Variants in CPA6 observed in about 807,000 individuals in gnomAD.
CPA6 encodes carboxypeptidase A6, also known as carboxypeptidase B.
Under a neutral mutation model 63.3 loss-of-function variants are expected in CPA6, and 58 were observed. The observed-to-expected ratio is 0.92, with a 90% CI of 0.74 to 1.14. The LOEUF (loss-of-function observed/expected upper bound fraction) is 1.14, where lower values mean the gene tolerates loss of function less well. Ranked by LOEUF, CPA6 falls within the 50% of genes most tolerant of loss-of-function variation. The probability of loss-of-function intolerance (pLI) is 0.00; values close to 1 mark genes in which losing one functional copy is unlikely to be tolerated. For synonymous variants in CPA6, 185 were observed against 179.0 expected (o/e 1.03, Z -0.27); for missense variants, 565 against 526.6 (o/e 1.07, Z -0.71).
chr8:67,521,348 G>T (rs1199946497), intron 2 of CPA6, among the ~76,000 whole-genome samples: 5 of 152,228 alleles, frequency 3.3e-5, no homozygotes, highest in Non-Finnish European at 5.9e-5. Flanking sequence ...CCTAGCTCTG[G>T]CAGCATTGGC....
At chr8:67,470,589 T>G (rs1811035970) in intron 8 of CPA6, among the ~76,000 whole-genome samples, 1 of 152,200 alleles carries the variant, frequency 6.6e-6, no homozygotes, top group Admixed American at 6.5e-5. Flanking sequence ...TCTTGGAGAT[T>G]TTCTTCACAT....
At chr8:67,553,566 T>C (rs1812996587) in intron 2 of CPA6, among the ~76,000 whole-genome samples, 1 of 152,204 alleles carries the variant, frequency 6.6e-6, no homozygotes, top group Admixed American at 6.5e-5. Context: ...TCTCAAGGGC[T>C]TATGATATCA....
intron 1 of CPA6, among the ~76,000 whole-genome samples, chr8:67,728,788 A>G (rs1817652167): frequency 6.6e-6 from 1 of 152,232 alleles, no homozygotes; most frequent in Admixed American, 6.5e-5. Flanking sequence ...ATTCCTTCCA[A>G]TTATCACATC....
chr8:67,664,079 A>T (rs966456604), intron 1 of CPA6, among the ~76,000 whole-genome samples: 2 of 152,216 alleles, frequency 1.3e-5, no homozygotes, highest in Non-Finnish European at 2.9e-5. Flanking sequence ...AAAGTTTTAA[A>T]GTTCTCATCT....
chr8:67,471,100 T>C (rs879545866), intron 8 of CPA6, among the ~76,000 whole-genome samples: 1 of 152,086 alleles, frequency 6.6e-6, no homozygotes, highest in Non-Finnish European at 1.5e-5. Flanking sequence ...TCTACTCCTC[T>C]CTCTCTTCCT....
chr8:67,689,636 T>C (rs1816777108), intron 1 of CPA6, among the ~76,000 whole-genome samples: 1 of 152,258 alleles, frequency 6.6e-6, no homozygotes, highest in African/African-American at 2.4e-5. Flanking sequence ...TAGTATTCCA[T>C]GGTATATATG....
At chr8:67,614,083 G>A (rs1014383548) in intron 2 of CPA6, among the ~76,000 whole-genome samples, 8 of 152,178 alleles carry the variant, frequency 5.3e-5, no homozygotes, top group African/African-American at 1.4e-4. Context: ...GCAAGAGCTC[G>A]AGATACAGAA....
chr8:67,464,822 G>A (rs1810890623), intron 8 of CPA6, among the ~76,000 whole-genome samples: 1 of 152,104 alleles, frequency 6.6e-6, no homozygotes, highest in Non-Finnish European at 1.5e-5. Context: ...ATGGCTGTAG[G>A]TGTGTGGCTT....
chr8:67,711,647 G>GTGTGGTATATGTATGCA (rs1055398854), intron 1 of CPA6, among the ~76,000 whole-genome samples: 1 of 151,520 alleles, frequency 6.6e-6, no homozygotes, highest in Non-Finnish European at 1.5e-5. Context: ...TGTGGTATGT[G>GTGTGGTATATGTATGCA]TGTGGTATAT....
chr8:67,554,160 A>T (rs775666017), intron 2 of CPA6, among the ~76,000 whole-genome samples: 3 of 152,204 alleles, frequency 2.0e-5, no homozygotes, highest in Non-Finnish European at 4.4e-5. Flanking sequence ...TTGCACTGCT[A>T]TAAAGATACC....
intron 8 of CPA6, among the ~76,000 whole-genome samples, chr8:67,462,653 T>C (rs1353640022): frequency 1.3e-5 from 2 of 152,194 alleles, no homozygotes; most frequent in South Asian, 4.1e-4. Context: ...TCCAATTCTC[T>C]TGTCTCTCTC....
intron 9 of CPA6, among the ~76,000 whole-genome samples, chr8:67,430,338 C>T (rs1014313996): frequency 1.3e-5 from 2 of 151,804 alleles, no homozygotes; most frequent in African/African-American, 2.4e-5. Flanking sequence ...CGCGACCACG[C>T]CTGGCTAATT....
rs976619300 is a variant in CPA6 at position 67,712,350 on chromosome 8, C to A, written c.116+33664G>T. Among the ~76,000 whole-genome samples, 7 of 152,258 alleles carry A rather than the reference C, an allele frequency of 4.6e-5. No individual in the cohort carries two copies. The South Asian group carries it at 1.5e-3, about 32-fold the overall frequency. ...ACTGCTAGCCGTACTGGGGTGGTAA[C>A]AGAGAATTTTATCAGGGACTAAAAT... On this transcript the variant is annotated intron_variant, in intron 1 of 10. Transcript: ENST00000297770.
rs896343253 is a variant in CPA6, at chr8:67,655,454, A to G, written c.117-31203T>C. Among the ~76,000 whole-genome samples the G allele has an allele frequency of 3.9e-5, 6 of 152,286 alleles. No homozygotes were observed. In the Middle Eastern group the frequency reaches 0.01, roughly 259 times the overall value. On this transcript the variant is annotated intron_variant, in intron 1 of 10. Transcript: ENST00000297770. The stretch of plus-strand genomic sequence containing the variant: ...GAGAAAAGGATTTTGATGGAAAGGG[A>G]TGAGGAACTATGTCCTTCTTGAGAT...
intron 9 of CPA6, among the ~76,000 whole-genome samples, chr8:67,430,181 TG>T (rs1285725768): frequency 5.4e-5 from 7 of 129,096 alleles, no homozygotes; most frequent in African/African-American, 2.4e-4. Context: ...GTATATATTT[TG>T]TTTTTTTTTT....
At chr8:67,621,221 C>T (rs1478769783) in intron 2 of CPA6, among the ~76,000 whole-genome samples, 8 of 152,204 alleles carry the variant, frequency 5.3e-5, no homozygotes, top group Non-Finnish European at 8.8e-5. Context: ...GGACTTCACC[C>T]AATACTCCTT....
intron 8 of CPA6, among the ~76,000 whole-genome samples, chr8:67,480,782 C>T (rs918098941): frequency 1.3e-5 from 2 of 152,144 alleles, no homozygotes; most frequent in African/African-American, 4.8e-5. Flanking sequence ...TTTACATTCT[C>T]ACCAGCAAGT....
chr8:67,697,669 T>C (rs1234951914), intron 1 of CPA6, among the ~76,000 whole-genome samples: 1 of 152,176 alleles, frequency 6.6e-6, no homozygotes, highest in Non-Finnish European at 1.5e-5. Flanking sequence ...AAATGTTTTT[T>C]ACTGAGGAAA....
intron 1 of CPA6, among the ~76,000 whole-genome samples, chr8:67,640,739 C>G (rs542383735): frequency 6.6e-6 from 1 of 151,480 alleles, no homozygotes; most frequent in Non-Finnish European, 1.5e-5. Flanking sequence ...CCTGGGCTCC[C>G]ACTTGTCCCC....
Sources: gnomAD v4.1 joint callset for allele counts (sites outside exome capture counted in the v4.1 genomes callset) on GRCh38, gnomAD v4.1.1 for gene constraint, MANE v1.5 for transcripts, NCBI Gene and HGNC (gene_info 2026-07-23, HGNC 2026-07-21) for gene names.